Variants in KHDRBS2 observed in about 807,000 individuals in gnomAD.
KHDRBS2 encodes the protein KH RNA binding domain containing, signal transduction associated 2.
In KHDRBS2, 26 loss-of-function variants were observed where a neutral mutation model predicts 44.3. The observed-to-expected ratio is 0.59, with a 90% confidence interval of 0.43 to 0.81. KHDRBS2 has a LOEUF of 0.81. Among genes scored for constraint, KHDRBS2 ranks in the 40% least tolerant of loss-of-function variants. The pLI, the probability that KHDRBS2 is intolerant of heterozygous loss-of-function variation, is 0.00. For synonymous variants in KHDRBS2, 194 were observed against 151.1 expected (o/e 1.28, Z -2.08); for missense variants, 476 against 433.1 (o/e 1.10, Z -0.88).
the KHDRBS2 span, among the ~76,000 whole-genome samples, chr6:61,580,429 C>T: frequency 2.0e-5 from 3 of 152,142 alleles, no homozygotes; most frequent in South Asian, 4.1e-4. Flanking sequence ...TAAGGGAATA[C>T]AGGCTGCCCT....
Position 62,228,752 on chromosome 6 carries a change from A to G in KHDRBS2, c.92-51440T>C, listed in dbSNP as rs572395734. 2.0e-5 allele frequency among the ~76,000 whole-genome samples: 3 copies of G among 152,106 alleles called. No individual in the cohort carries two copies. The East Asian group carries it at 5.8e-4, about 30-fold the overall frequency. On this transcript the variant is annotated intron_variant, in intron 1 of 8. Coordinates refer to ENST00000281156, the MANE Select transcript of KHDRBS2 (RefSeq NM_152688.4). ...TTGTCTCTTTGTTCTCATTGGTTTC[A>G]AAGAACTTCTTGATTTCTGGCTTAA...
At chr6:61,939,447 C>G (rs1811710720) in intron 4 of KHDRBS2, among the ~76,000 whole-genome samples, 1 of 152,024 alleles carries the variant, frequency 6.6e-6, no homozygotes, top group African/African-American at 2.4e-5. Flanking sequence ...TCCATCAGCC[C>G]AAGGATCTTT....
At chr6:61,606,257 A>G in the KHDRBS2 span, among the ~76,000 whole-genome samples, 8 of 152,198 alleles carry the variant, frequency 5.3e-5, no homozygotes, top group Non-Finnish European at 1.5e-5. Context: ...TGGTCTGTTC[A>G]CATGGACACA....
chr6:61,841,752 C>T (rs1793639283), intron 6 of KHDRBS2, among the ~76,000 whole-genome samples: 1 of 152,160 alleles, frequency 6.6e-6, no homozygotes. Flanking sequence ...ATAAAGCATA[C>T]CCATTTGAAG....
the KHDRBS2 span, among the ~76,000 whole-genome samples, chr6:61,601,258 C>T: frequency 2.0e-5 from 3 of 152,078 alleles, no homozygotes; most frequent in Admixed American, 1.3e-4. Context: ...GGCAGGCACC[C>T]CCCACCCCTT....
chr6:62,149,876 C>A (rs1814732814), intron 2 of KHDRBS2, among the ~76,000 whole-genome samples: 1 of 152,142 alleles, frequency 6.6e-6, no homozygotes, highest in Non-Finnish European at 1.5e-5. Flanking sequence ...GTGTTCCAAT[C>A]TTTTACATTT....
intron 4 of KHDRBS2, among the ~76,000 whole-genome samples, chr6:61,940,883 C>A (rs1286865022): frequency 6.6e-6 from 1 of 152,136 alleles, no homozygotes; most frequent in Non-Finnish European, 1.5e-5. Context: ...TTGAGAACTG[C>A]CAGGGCTGAG....
intron 2 of KHDRBS2, among the ~76,000 whole-genome samples, chr6:62,174,807 C>T (rs1360838340): frequency 5.3e-5 from 8 of 151,716 alleles, no homozygotes; most frequent in Admixed American, 5.3e-4. Context: ...GTGTGGCCCC[C>T]TGAAGGATAA....
At chr6:61,757,578 G>T (rs1349265011) in intron 6 of KHDRBS2, among the ~76,000 whole-genome samples, 1 of 152,062 alleles carries the variant, frequency 6.6e-6, no homozygotes, top group African/African-American at 2.4e-5. Context: ...TACATTTTGT[G>T]TGATTGTTGA....
At chr6:61,716,059 T>C (rs1771367635) in intron 7 of KHDRBS2, among the ~76,000 whole-genome samples, 2 of 151,956 alleles carry the variant, frequency 1.3e-5, no homozygotes, top group South Asian at 4.1e-4. Flanking sequence ...TGAATCTGGC[T>C]GGACTTGTGA....
At position 61,788,750 on chromosome 6, in the gene KHDRBS2, C is replaced by T. The variant is rs188852419; in HGVS notation, c.811-55986G>A. Among the ~76,000 whole-genome samples, 20 of 150,984 alleles carry T rather than the reference C, an allele frequency of 1.3e-4. No individual in the cohort carries two copies. In the East Asian group the frequency reaches 3.9e-3, roughly 29 times the overall value. On this transcript the variant is annotated intron_variant, in intron 6 of 8. Transcript: ENST00000281156. ...GAATAATTTTCAATTACAAGTTTTA[C>T]TGAAACCAAATTGAAGTTTATAAAG...
chr6:62,137,678 C>T (rs1031334469), intron 2 of KHDRBS2, among the ~76,000 whole-genome samples: 2 of 152,116 alleles, frequency 1.3e-5, no homozygotes, highest in Admixed American at 1.3e-4. Context: ...CCAGGGTACT[C>T]TCTTTTCCAG....
At chr6:61,554,006 T>A in the KHDRBS2 span, among the ~76,000 whole-genome samples, 1 of 152,192 alleles carries the variant, frequency 6.6e-6, no homozygotes, top group African/African-American at 2.4e-5. Flanking sequence ...TTTGTAGATG[T>A]CTCTTAGGTC....
chr6:62,198,955 T>C (rs1004498478), intron 1 of KHDRBS2, among the ~76,000 whole-genome samples: 5 of 152,086 alleles, frequency 3.3e-5, no homozygotes, highest in African/African-American at 1.2e-4. Context: ...ATAAAAGTAA[T>C]CCAGCATATA....
At chr6:62,208,100 A>G (rs1488191962) in intron 1 of KHDRBS2, among the ~76,000 whole-genome samples, 1 of 152,172 alleles carries the variant, frequency 6.6e-6, no homozygotes, top group Non-Finnish European at 1.5e-5. Context: ...TGTATAGTTG[A>G]ATTATATTCT....
intron 4 of KHDRBS2, among the ~76,000 whole-genome samples, chr6:61,927,903 C>T (rs1809272175): frequency 6.6e-6 from 1 of 152,058 alleles, no homozygotes; most frequent in African/African-American, 2.4e-5. Context: ...ATTAAGTAGG[C>T]TATGAAAGCA....
chr6:61,629,026 A>G, the KHDRBS2 span, among the ~76,000 whole-genome samples: 1 of 152,218 alleles, frequency 6.6e-6, no homozygotes, highest in Non-Finnish European at 1.5e-5. Flanking sequence ...CTAATTCTTA[A>G]TATATTCTAA....
chr6:61,556,178 C>G, the KHDRBS2 span, among the ~76,000 whole-genome samples: 1 of 152,144 alleles, frequency 6.6e-6, no homozygotes, highest in Non-Finnish European at 1.5e-5. Context: ...GGTGGCAGTG[C>G]AGGGGCATGG....
chr6:61,616,252 A>G, the KHDRBS2 span, among the ~76,000 whole-genome samples: 1 of 152,138 alleles, frequency 6.6e-6, no homozygotes. Flanking sequence ...AAAATACACT[A>G]TTAGCCTCCC....
Sources: gnomAD v4.1 joint callset for allele counts (sites outside exome capture counted in the v4.1 genomes callset) on GRCh38, gnomAD v4.1.1 for gene constraint, MANE v1.5 for transcripts, NCBI Gene and HGNC (gene_info 2026-07-23, HGNC 2026-07-21) for gene names.